RABGAP1L: variants seen among roughly 807,000 people sequenced by gnomAD.
RABGAP1L encodes RAB GTPase activating protein 1 like.
Under a neutral mutation model 137.7 loss-of-function variants are expected in RABGAP1L, and 63 were observed. The ratio of observed to expected loss-of-function variants is 0.46; its 90% CI spans 0.37 to 0.56. RABGAP1L has a LOEUF of 0.56. Among genes scored for constraint, RABGAP1L ranks in the 20% least tolerant of loss-of-function variants. The probability of loss-of-function intolerance (pLI) is 0.00; values close to 1 mark genes in which losing one functional copy is unlikely to be tolerated. For synonymous variants in RABGAP1L, 431 were observed against 433.7 expected (o/e 0.99, Z 0.08); for missense variants, 1,095 against 1,244.0 (o/e 0.88, Z 1.80).
Position 174,175,971 on chromosome 1 carries a change from C to A in RABGAP1L, c.-34+16314C>A, listed in dbSNP as rs76018841. On this transcript the variant is annotated intron_variant, in intron 1 of 25. Coordinates refer to ENST00000681986, the MANE Select transcript of RABGAP1L (RefSeq NM_001366446.1). ...TAGTCCTGTATTACTAACAGTTTAG[C>A]GAGAAGACAGCATTGTTTTAGATTT... Among the ~76,000 whole-genome samples the A allele has an allele frequency of 1.0e-2, 1,519 of 152,122 alleles. 29 individuals carry two copies. The highest frequency in any genetic ancestry group is 0.035 in the African/African-American group (1,460 of 41,508).
intron 13 of RABGAP1L, among the ~76,000 whole-genome samples, chr1:174,614,546 T>A (rs1231672009): frequency 6.6e-6 from 1 of 152,172 alleles, no homozygotes; most frequent in Non-Finnish European, 1.5e-5. Context: ...GAATCTGACA[T>A]TTATGTGGCT....
At chr1:174,922,534 A>G (rs7516410) in intron 19 of RABGAP1L, 1 of 152,088 alleles carries the variant, frequency 6.6e-6, no homozygotes, top group Admixed American at 6.5e-5. Context: ...CTCTCGCAGC[A>G]CTGTTTTCTC....
intron 13 of RABGAP1L, among the ~76,000 whole-genome samples, chr1:174,409,459 G>A (rs986764212): frequency 2.0e-5 from 3 of 152,230 alleles, no homozygotes; most frequent in South Asian, 2.1e-4. Context: ...ATTGTAAAAC[G>A]TGTGTTTGAA....
chr1:174,355,559 C>G (rs1683560411), intron 11 of RABGAP1L, among the ~76,000 whole-genome samples: 1 of 151,424 alleles, frequency 6.6e-6, no homozygotes, highest in South Asian at 2.1e-4. Context: ...CACATGTATA[C>G]ATATGTAACT....
At chr1:174,335,100 G>A (rs565425952) in intron 11 of RABGAP1L, among the ~76,000 whole-genome samples, 10 of 151,942 alleles carry the variant, frequency 6.6e-5, no homozygotes, top group South Asian at 2.1e-4. Context: ...AAAAAGCTAC[G>A]AAAATTACAG....
chr1:174,563,238 A>G (rs558369514), intron 13 of RABGAP1L, among the ~76,000 whole-genome samples: 2 of 152,328 alleles, frequency 1.3e-5, no homozygotes, highest in African/African-American at 4.8e-5. Context: ...GTGAGTGCTT[A>G]AACTTAAAAT....
intron 13 of RABGAP1L, among the ~76,000 whole-genome samples, chr1:174,620,424 A>G (rs923562603): frequency 6.6e-6 from 1 of 152,356 alleles, no homozygotes; most frequent in African/African-American, 2.4e-5. Context: ...CAGAAATTAT[A>G]ACAAACTGTC....
chr1:174,166,437 G>A (rs56158362), intron 1 of RABGAP1L, among the ~76,000 whole-genome samples: 34,917 of 152,000 alleles, frequency 0.23, 4,479 homozygotes, highest in Non-Finnish European at 0.27. Context: ...TAGAATTTAG[G>A]GCAGCAAAGC....
chr1:174,404,690 A>T (rs933702856), intron 13 of RABGAP1L, among the ~76,000 whole-genome samples: 3 of 152,144 alleles, frequency 2.0e-5, no homozygotes, highest in East Asian at 1.9e-4. Context: ...TTAATTTTTT[A>T]AATTAATTAA....
At chr1:174,671,730 A>G (rs1677190018) in intron 14 of RABGAP1L, among the ~76,000 whole-genome samples, 1 of 152,090 alleles carries the variant, frequency 6.6e-6, no homozygotes, top group Admixed American at 6.6e-5. Flanking sequence ...GGATATTTGC[A>G]TGTATGTTCA....
At chr1:174,634,827 G>A (rs1329310936) in intron 13 of RABGAP1L, among the ~76,000 whole-genome samples, 1 of 143,166 alleles carries the variant, frequency 7.0e-6, no homozygotes, top group Non-Finnish European at 1.5e-5. Context: ...GGTGGGAATT[G>A]AACAATGAGA....
intron 13 of RABGAP1L, among the ~76,000 whole-genome samples, chr1:174,471,584 C>G (rs1261901568): frequency 6.6e-6 from 1 of 152,126 alleles, no homozygotes; most frequent in Admixed American, 6.5e-5. Flanking sequence ...AATTTTTTCA[C>G]CTTCAAGCAA....
At chr1:174,901,168 T>C (rs1305149799) in intron 19 of RABGAP1L, among the ~76,000 whole-genome samples, 2 of 152,250 alleles carry the variant, frequency 1.3e-5, no homozygotes, top group Non-Finnish European at 2.9e-5. Flanking sequence ...CTCTCTAACC[T>C]GGCTATTCTG....
At chr1:174,911,841 A>G (rs1660104104) in intron 19 of RABGAP1L, among the ~76,000 whole-genome samples, 1 of 152,198 alleles carries the variant, frequency 6.6e-6, no homozygotes. Flanking sequence ...GATATGCTCC[A>G]TATCCAAATG....
intron 14 of RABGAP1L, among the ~76,000 whole-genome samples, chr1:174,667,218 G>C (rs333425): frequency 0.063 from 9,616 of 152,106 alleles, 1,003 homozygotes; most frequent in African/African-American, 0.22. Flanking sequence ...TGATCAGATT[G>C]TTATTTTTCC....
chr1:174,387,038 A>G (rs1250238798), intron 12 of RABGAP1L, among the ~76,000 whole-genome samples: 2 of 152,228 alleles, frequency 1.3e-5, no homozygotes, highest in Non-Finnish European at 2.9e-5. Context: ...ACTTGCTTCA[A>G]TATAAATTTA....
chr1:174,495,335 C>T (rs1247589189), intron 13 of RABGAP1L, among the ~76,000 whole-genome samples: 1 of 151,878 alleles, frequency 6.6e-6, no homozygotes, highest in Non-Finnish European at 1.5e-5. Flanking sequence ...TTTTTTTCCC[C>T]CCAAGTTTTC....
intron 1 of RABGAP1L, among the ~76,000 whole-genome samples, chr1:174,192,318 GTTT>G (rs3056994): frequency 5.0e-4 from 57 of 112,910 alleles, no homozygotes; most frequent in Middle Eastern, 4.5e-3. Context: ...TGTCTGAGGT[GTTT>G]TTTTTTTTTT....
At chr1:174,318,898 A>G (rs991909856) in intron 11 of RABGAP1L, among the ~76,000 whole-genome samples, 3 of 151,870 alleles carry the variant, frequency 2.0e-5, no homozygotes, top group African/African-American at 7.2e-5. Flanking sequence ...TTTTGATACT[A>G]CAGTTTATAT....
Sources: allele counts gnomAD v4.1 joint callset (sites outside exome capture counted in the v4.1 genomes callset), GRCh38; gene constraint gnomAD v4.1.1; transcripts MANE v1.5; gene names NCBI Gene and HGNC (gene_info 2026-07-23, HGNC 2026-07-21).